LARP1: variants seen among roughly 807,000 people sequenced by gnomAD.
The protein encoded by LARP1 is la-related protein 1.
Under a neutral mutation model 122.7 loss-of-function variants are expected in LARP1, and 36 were observed. The ratio of observed to expected loss-of-function variants is 0.29; its 90% CI spans 0.22 to 0.39. The LOEUF (loss-of-function observed/expected upper bound fraction) is 0.39. Ranked by LOEUF, LARP1 falls within the 10% of genes least tolerant of loss-of-function variation. The pLI is 1.00. For missense variants in LARP1, 1,040 were observed against 1,403.6 expected (o/e 0.74, Z 4.14); for synonymous variants, 539 against 528.7 (o/e 1.02, Z -0.27).
chr5:154,684,624 C>T (rs1020657011), intron 1 of LARP1, among the ~76,000 whole-genome samples: 5 of 152,116 alleles, frequency 3.3e-5, no homozygotes, highest in East Asian at 3.9e-4. Context: ...TGCTGCATGA[C>T]GGCCAAGAGA....
intron 3 of LARP1, among the ~76,000 whole-genome samples, chr5:154,791,584 T>G (rs751670848): frequency 6.6e-6 from 1 of 152,210 alleles, no homozygotes; most frequent in Non-Finnish European, 1.5e-5. Flanking sequence ...CTGTCATCAT[T>G]TAAACCTTTG....
rs1244472662 is a variant in LARP1, at chr5:154,815,500, TC to T, written c.*1405del. The T allele has an allele frequency of 6.6e-6, 1 of 151,906 alleles. No homozygotes were observed. Among genetic ancestry groups the T allele is most frequent in the African/African-American group, 2.4e-5 (1 of 41,320 alleles). The allele number at this position is 151,906 out of a possible 1,614,324, so 9.4% of individuals were successfully genotyped here. A position where few individuals can be genotyped will look rare whatever the true frequency, so the allele number is the denominator to read the frequency against. ...ACGTTTCTTGTGTTGCCCTGAAAAA[TC>T]TTTGAGACCTCAGGGAGGCTCTGTC... On this transcript the variant is annotated 3_prime_UTR_variant, in exon 19 of 19. Transcript: ENST00000518297.
In LARP1 at chr5:154,803,860, C is replaced by A; in HGVS notation, c.2439+115C>A. The A allele has an allele frequency of 9.2e-7, 1 of 1,088,502 alleles. No individual in the cohort carries two copies. The highest frequency in any genetic ancestry group is 1.4e-6 in the Non-Finnish European group (1 of 739,648). 67.4% of individuals were successfully genotyped at this position (1,088,502 alleles called of 1,614,324 possible). ...AAGGAAGTGCTAAATCCTTCACCTGCTCTGTGTTCTGAGGCTGGTGGGCTT... is the reference window on the plus strand; with the variant it reads ...AAGGAAGTGCTAAATCCTTCACCTGATCTGTGTTCTGAGGCTGGTGGGCTT... On this transcript the variant is annotated intron_variant, in intron 13 of 18. Coordinates refer to ENST00000518297, the MANE Select transcript of LARP1 (RefSeq NM_033551.3). The surrounding 1 kb of genome is among the most constrained non-coding windows in gnomAD (Gnocchi z 4.4).
Position 154,793,909 on chromosome 5 carries a change from G to T in LARP1, c.978G>T (p.Lys326Asn). Reference sequence around the variant, plus strand: ...ACCAGGATGAGACATCGAGTGTGAAGAGTGATGGGGCTGGTGGGGCGCGGG... The same window carrying T: ...ACCAGGATGAGACATCGAGTGTGAATAGTGATGGGGCTGGTGGGGCGCGGG... ...WHDQDETSSV[K>N]SDGAGGARAS... is the part of the protein sequence containing the mutation. Residue 326 changes from lysine (K) to asparagine (N), a missense_variant, in exon 6 of 19, where the codon AAG (lysine) becomes AAT (asparagine). By Grantham distance (94) the Lys-to-Asn change is moderately conservative. This residue lies in a region of LARP1 where 178 missense variants were observed against 178.3 expected (regional missense o/e 1.00). Coordinates refer to ENST00000518297, the MANE Select transcript of LARP1 (RefSeq NM_033551.3). 2.5e-6 allele frequency: 4 copies of T among 1,614,168 alleles called. No homozygotes were observed. Among genetic ancestry groups the T allele is most frequent in the Non-Finnish European group, 3.4e-6 (4 of 1,180,008 alleles).
At chr5:154,706,986 T>TA (rs1754982682) in intron 1 of LARP1, among the ~76,000 whole-genome samples, 1 of 152,206 alleles carries the variant, frequency 6.6e-6, no homozygotes, top group Non-Finnish European at 1.5e-5. Context: ...AAAAGTACCA[T>TA]AATTTATTCA....
At chr5:154,757,342 C>T (rs114517195) in intron 1 of LARP1, 11,972 of 151,502 alleles carry the variant, frequency 0.079, 527 homozygotes, top group Admixed American at 0.14. Context: ...GGGGGAGAGG[C>T]GGTGCAGAAT....
At position 154,808,542 on chromosome 5, in the gene LARP1, A is replaced by C. The variant is rs1582483254; in HGVS notation, c.2782A>C (p.Asn928His). Residue 928 changes from asparagine to histidine, a missense_variant, in exon 16 of 19, where the codon AAC (asparagine) becomes CAC (histidine). Physicochemically the swap from Asn to His is moderately conservative, Grantham distance 68. Transcript: ENST00000518297. ...GTCCTTCTTCCTCCGAGATCACTTC[A>C]ACAAAAAGATGTATGAGGAGTTCAA... ...FWSFFLRDHF[N>H]KKMYEEFKQL... The C allele has an allele frequency of 6.2e-7, 1 of 1,614,042 alleles. No individual in the cohort carries two copies. Among genetic ancestry groups the C allele is most frequent in the Non-Finnish European group, 8.5e-7 (1 of 1,180,018 alleles).
At chr5:154,713,384 T>A (rs1200498811) in intron 1 of LARP1, among the ~76,000 whole-genome samples, 1 of 152,258 alleles carries the variant, frequency 6.6e-6, no homozygotes, top group Non-Finnish European at 1.5e-5. Flanking sequence ...GTCTGTCAGC[T>A]GCACCTGTTA....
intron 7 of LARP1, 109 bp downstream of exon 7, chr5:154,794,371 T>A: frequency 9.4e-7 from 1 of 1,061,580 alleles, no homozygotes; most frequent in South Asian, 1.7e-5. Context: ...AGTTTCAGCC[T>A]CAGGCTGAAA....
intron 15 of LARP1, among the ~76,000 whole-genome samples, chr5:154,806,913 C>A (rs369672342): frequency 1.3e-5 from 2 of 152,158 alleles, no homozygotes; most frequent in East Asian, 3.8e-4. Context: ...AATTTTAGAA[C>A]ATTTTCATTA....
upstream of LARP1, among the ~76,000 whole-genome samples, chr5:154,754,503 G>A (rs1291950092): frequency 6.6e-6 from 1 of 152,178 alleles, no homozygotes. Flanking sequence ...GTTCAACTCC[G>A]CCCAAAGCAA....
chr5:154,756,660 G>A (rs777537296), intron 1 of LARP1: 46 of 253,536 alleles, frequency 1.8e-4, no homozygotes, highest in Non-Finnish European at 2.7e-4. Context: ...GCAACCCAGT[G>A]CCCGGCGCGG....
intron 1 of LARP1, chr5:154,713,269 G>C: frequency 1.5e-6 from 1 of 653,898 alleles, no homozygotes; most frequent in South Asian, 2.0e-5. Context: ...CCAGCTCTCT[G>C]AACCTCACAT....
chr5:154,772,184 A>G (rs1236005675), intron 1 of LARP1, among the ~76,000 whole-genome samples: 12 of 152,062 alleles, frequency 7.9e-5, no homozygotes, highest in Non-Finnish European at 1.5e-4. Context: ...TCTAGTAGCC[A>G]AAACAGGGGA....
chr5:154,695,797 C>T (rs1754444675), intron 1 of LARP1, among the ~76,000 whole-genome samples: 1 of 151,064 alleles, frequency 6.6e-6, no homozygotes, highest in Non-Finnish European at 1.5e-5. Flanking sequence ...CCCTTGAACC[C>T]GGGAGGCAAA....
chr5:154,793,218 T>A (rs1757473500), intron 4 of LARP1, among the ~76,000 whole-genome samples: 1 of 152,124 alleles, frequency 6.6e-6, no homozygotes, highest in African/African-American at 2.4e-5. Context: ...GGTGGCCCCT[T>A]TCCTTTTAGG....
rs1307768752 is a variant in LARP1 at position 154,795,711 on chromosome 5, A to G, written c.1377+392A>G. Among the ~76,000 whole-genome samples the G allele has an allele frequency of 2.0e-5, 3 of 150,286 alleles. No individual in the cohort carries two copies. In the East Asian group the frequency reaches 5.8e-4, roughly 29 times the overall value. On this transcript the variant is annotated intron_variant, in intron 8 of 18. Coordinates refer to ENST00000518297, the MANE Select transcript of LARP1 (RefSeq NM_033551.3). ...CTAAAAGATAGACTTGTTAAAAGAAAATAGCCACAGTATCATTATCATACC... is the reference window on the plus strand; with the variant it reads ...CTAAAAGATAGACTTGTTAAAAGAAGATAGCCACAGTATCATTATCATACC...
chr5:154,755,109 G>A (rs1753725489), upstream of LARP1, among the ~76,000 whole-genome samples: 1 of 151,408 alleles, frequency 6.6e-6, no homozygotes, highest in African/African-American at 2.4e-5. Flanking sequence ...GCACGTGCTC[G>A]CCCCCGTCCG....
At chr5:154,746,665 C>T (rs1361279254) in intron 1 of LARP1, among the ~76,000 whole-genome samples, 1 of 152,182 alleles carries the variant, frequency 6.6e-6, no homozygotes, top group Non-Finnish European at 1.5e-5. Flanking sequence ...ATCCTCTCTC[C>T]ATGAAAGCCC....
Sources: allele counts gnomAD v4.1 joint callset (sites outside exome capture counted in the v4.1 genomes callset), GRCh38; gene constraint gnomAD v4.1.1; regional missense constraint gnomAD v4.1.1; non-coding constraint Gnocchi (gnomAD v3.1); transcripts MANE v1.5; gene names NCBI Gene and HGNC (gene_info 2026-07-23, HGNC 2026-07-21).